BCAN: variants seen among roughly 807,000 people sequenced by gnomAD.
The protein encoded by BCAN is brevican core protein.
A neutral mutation model predicts 92.4 loss-of-function variants in BCAN; 51 were observed. That is an observed-to-expected ratio of 0.55 (90% CI 0.44 to 0.70). The LOEUF is 0.70. Ranked by LOEUF, BCAN falls within the 30% of genes least tolerant of loss-of-function variation. The pLI, the probability that BCAN is intolerant of heterozygous loss-of-function variation, is 0.00. For synonymous variants in BCAN, 501 were observed against 505.2 expected (o/e 0.99, Z 0.11); for missense variants, 1,140 against 1,212.1 (o/e 0.94, Z 0.88).
intron 2 of BCAN, 152 bp from the exon 3 acceptor site, chr1:156,646,649 G>A: frequency 1.5e-6 from 2 of 1,290,656 alleles, no homozygotes; most frequent in Admixed American, 3.3e-5. Context: ...AGGGCTGCAG[G>A]ACCCTGGCCC....
chr1:156,659,356 C>G lies in BCAN; in HGVS notation c.*222C>G. ...TGGGCACCAGATCTTCCATCAGGGC[C>G]GGAGTAAATCCCTAAGTGCCTCAAC... On this transcript the variant is annotated 3_prime_UTR_variant, in exon 14 of 14. Coordinates refer to ENST00000329117, the MANE Select transcript of BCAN (RefSeq NM_021948.5). 1.9e-6 allele frequency: 1 copy of G among 535,748 alleles called. No homozygotes were observed. The highest frequency in any genetic ancestry group is 3.3e-6 in the Non-Finnish European group (1 of 306,540). 33.2% of individuals were successfully genotyped at this position (535,748 alleles called of 1,614,324 possible). A position where few individuals can be genotyped will look rare whatever the true frequency, so the allele number is the denominator to read the frequency against.
At position 156,659,104 on chromosome 1, in the gene BCAN, C is replaced by A. The variant is rs779248809; in HGVS notation, c.2706C>A (p.Ile902=). ...TGGGACGCTGGAAGGCGCTGTTGATCCCCCCTTCCAGCCCCATGCCAGGTC... is the reference window on the plus strand; with the variant it reads ...TGGGACGCTGGAAGGCGCTGTTGATACCCCCTTCCAGCCCCATGCCAGGTC... ...RLLGRWKALL[I]PPSSPMPGP Residue 902 remains isoleucine, a synonymous_variant, in exon 14 of 14, where the codon ATC becomes ATA. Transcript: ENST00000329117. The A allele has an allele frequency of 6.9e-6, 11 of 1,588,842 alleles. No individual in the cohort carries two copies. In the East Asian group the frequency reaches 1.8e-4, roughly 26 times the overall value.
At chr1:156,649,899 C>T (rs778163608) in intron 6 of BCAN, 2 of 518,962 alleles carry the variant, frequency 3.9e-6, no homozygotes, top group Admixed American at 3.9e-5. Flanking sequence ...CAGCCTTGAA[C>T]CTCAGGGAGC....
In BCAN at chr1:156,658,981, G is replaced by A. The variant is rs1271278820; in HGVS notation, c.2629-46G>A. ...CATCAGAGGGCAGGCTCTGAGGAGA[G>A]GAGAAGGAAGAGCCAGGGTGGAGGG... On this transcript the variant is annotated intron_variant, in intron 13 of 13. Transcript: ENST00000329117. The surrounding 1 kb of genome is among the most constrained non-coding windows in gnomAD (Gnocchi z 4.4). 1.3e-6 allele frequency: 2 copies of A among 1,506,624 alleles called. No individual in the cohort carries two copies. Among genetic ancestry groups the A allele is most frequent in the East Asian group, 2.3e-5 (1 of 42,994 alleles). 93.3% of individuals were successfully genotyped at this position (1,506,624 alleles called of 1,614,324 possible).
intron 5 of BCAN, 64 bp from the exon 6 acceptor site, chr1:156,648,504 T>G (rs537190899): frequency 6.7e-7 from 1 of 1,500,300 alleles, no homozygotes; most frequent in Non-Finnish European, 9.0e-7. Context: ...AGGGTTCCCA[T>G]GGGAGACCAG....
In BCAN at chr1:156,651,786, ACT is replaced by A. The variant is rs1192630917; in HGVS notation, c.1297+100_1297+101del. On this transcript the variant is annotated intron_variant, in intron 7 of 13. Coordinates refer to ENST00000329117, the MANE Select transcript of BCAN (RefSeq NM_021948.5). The stretch of plus-strand genomic sequence containing the variant: ...TGATGCTAGGGTGATGGATGACATG[ACT>A]CTGCCCTGTCCTTTCTCAGTAGCTC... The A allele has an allele frequency of 3.6e-6, 4 of 1,110,732 alleles. No homozygotes were observed. The South Asian group carries it at 4.5e-5, about 12-fold the overall frequency. 68.8% of individuals were successfully genotyped at this position (1,110,732 alleles called of 1,614,324 possible).
At chr1:156,648,992 C>A in intron 6 of BCAN, 131 bp downstream of exon 6, 3 of 1,105,666 alleles carry the variant, frequency 2.7e-6, no homozygotes, top group Non-Finnish European at 3.7e-6. Flanking sequence ...TGGGTGAAGT[C>A]CAGCTTGTCA....
rs751588415 is a variant in BCAN at position 156,647,826 on chromosome 1, T to C, written c.641+144T>C. ...ATGAGGCTGGTCTGAGGAGGGGAGG[T>C]GAGGACCCTGAGCATGTGCATCCCT... is the stretch of plus-strand genomic sequence containing the variant. On this transcript the variant is annotated intron_variant, in intron 4 of 13. Coordinates refer to ENST00000329117, the MANE Select transcript of BCAN (RefSeq NM_021948.5). The surrounding 1 kb of genome is among the most constrained non-coding windows in gnomAD (Gnocchi z 4.8). 15 of 1,523,214 alleles carry C rather than the reference T, an allele frequency of 9.8e-6. No homozygotes were observed. Among genetic ancestry groups the C allele is most frequent in the Middle Eastern group, 1.8e-4 (1 of 5,498 alleles). The allele number at this position is 1,523,214 out of a possible 1,614,324, so 94.4% of individuals were successfully genotyped here.
At chr1:156,649,872 A>C (rs1411178829) in intron 6 of BCAN, 1 of 518,946 alleles carries the variant, frequency 1.9e-6, no homozygotes, top group Non-Finnish European at 3.8e-6. Flanking sequence ...TGGAAGCAGA[A>C]ATGGAAGGAG....
At chr1:156,652,200 C>T (rs956271175) in intron 7 of BCAN, 48 bp from the exon 8 acceptor site, 2 of 1,537,056 alleles carry the variant, frequency 1.3e-6, no homozygotes, top group Non-Finnish European at 1.7e-6. Flanking sequence ...CCTTTCGGTC[C>T]TTGGACAGAC....
At chr1:156,645,645 A>C (rs1678937056) in intron 1 of BCAN, among the ~76,000 whole-genome samples, 1 of 152,190 alleles carries the variant, frequency 6.6e-6, no homozygotes. Flanking sequence ...GTATAAGAGC[A>C]CCCACCATTC....
At chr1:156,653,092 T>C in intron 8 of BCAN, 200 bp downstream of exon 8, 1 of 1,429,516 alleles carries the variant, frequency 7.0e-7, no homozygotes, top group Non-Finnish European at 9.1e-7. Flanking sequence ...GCTCTCCGCG[T>C]CTTTACCCTG....
Position 156,647,108 on chromosome 1 carries a change from T to C in BCAN, c.399T>C (p.Gly133=). 6.2e-7 allele frequency: 1 copy of C among 1,602,142 alleles called. No homozygotes were observed. Among genetic ancestry groups the C allele is most frequent in the South Asian group, 1.1e-5 (1 of 90,536 alleles). The change falls in exon 3 of 14, where the codon GGT becomes GGC. Residue 133 remains glycine (G), a synonymous_variant. Transcript: ENST00000329117. The surrounding 1 kb of genome is among the most constrained non-coding windows in gnomAD (Gnocchi z 4.8). The part of the protein sequence containing the change: ...ALSELRPNDS[G]IYRCEVQHGI... ...GCGAGCTGCGCCCCAACGACTCAGG[T>C]ATCTATCGCTGTGAGGTCCAGCACG...
chr1:156,647,161 A>T lies in BCAN; in HGVS notation c.452A>T (p.Glu151Val). Residue 151 changes from glutamate (E) to valine (V), a missense_variant, in exon 3 of 14, where the codon GAG becomes GTG. Glu to Val is a moderately radical substitution (Grantham distance 121, BLOSUM62 -2). Coordinates refer to ENST00000329117, the MANE Select transcript of BCAN (RefSeq NM_021948.5). The surrounding 1 kb of genome is among the most constrained non-coding windows in gnomAD (Gnocchi z 4.8). ...HGIDDSSDAV[E>V]VKVKGVVFLY... Reference sequence around the variant, plus strand: ...ATCGATGACAGCAGCGACGCTGTGGAGGTCAAGGTCAAAGGTGAGAGGGCA... The same window carrying T: ...ATCGATGACAGCAGCGACGCTGTGGTGGTCAAGGTCAAAGGTGAGAGGGCA... 7.9e-7 allele frequency: 1 copy of T among 1,260,762 alleles called. No homozygotes were observed. The highest frequency in any genetic ancestry group is 2.3e-4 in the Middle Eastern group (1 of 4,416). 78.1% of individuals were successfully genotyped at this position (1,260,762 alleles called of 1,614,324 possible).
intron 7 of BCAN, among the ~76,000 whole-genome samples, 182 bp downstream of exon 7, chr1:156,651,871 C>T (rs1304940374): frequency 6.6e-6 from 1 of 151,646 alleles, no homozygotes; most frequent in African/African-American, 2.4e-5. Flanking sequence ...CAGTAAATTC[C>T]ACCCCCAACT....
At chr1:156,644,544 C>T (rs1206942510) in intron 1 of BCAN, 1 of 152,300 alleles carries the variant, frequency 6.6e-6, no homozygotes, top group Non-Finnish European at 1.5e-5. Flanking sequence ...CATCAAGAAC[C>T]TCCTCCCTCT....
chr1:156,651,505 C>G lies in BCAN; in HGVS notation c.1113C>G (p.Asn371Lys). 1 of 1,613,934 alleles carries G rather than the reference C, an allele frequency of 6.2e-7. No individual in the cohort carries two copies. The highest frequency in any genetic ancestry group is 8.5e-7 in the Non-Finnish European group (1 of 1,179,932). Residue 371 changes from asparagine to lysine, a missense_variant, in exon 7 of 14, where the codon AAC becomes AAG. This residue lies in a region of BCAN where 825 missense variants were observed against 871.8 expected (regional missense o/e 0.95). Transcript: ENST00000329117. ...AIPEASNPAS[N>K]PASDGLEAIV... ...CTGAGGCCTCCAACCCAGCCTCCAA[C>G]CCAGCCTCTGATGGACTAGAGGCTA...
At chr1:156,657,876 C>A in intron 11 of BCAN, 119 bp downstream of exon 11, 1 of 876,960 alleles carries the variant, frequency 1.1e-6, no homozygotes, top group South Asian at 1.8e-5. Context: ...TTCCCTTTCT[C>A]GTGCCCTGTG....
rs745851394 is a variant in BCAN, at chr1:156,658,590, C to T, written c.2485C>T (p.Arg829Cys). The stretch of plus-strand genomic sequence containing the variant: ...GCTGCCCCTGGCTCAAGTGTTCGGC[C>T]GCCCACGGCTGCGCTATGAGGTGGA... ...PELPLAQVFG[R>C]PRLRYEVDTV... The change falls in exon 13 of 14, where the codon CGC (arginine) becomes TGC (cysteine). Residue 829 changes from arginine (R) to cysteine (C), a missense_variant. By Grantham distance (180) the Arg-to-Cys change is radical. Transcript: ENST00000329117. This position sits in a 1 kb window ranked among gnomAD's most constrained non-coding sequence, Gnocchi z 4.4. 1.1e-5 allele frequency: 17 copies of T among 1,614,066 alleles called. No individual in the cohort carries two copies. Among genetic ancestry groups the T allele is most frequent in the East Asian group, 2.2e-5 (1 of 44,890 alleles).
Sources: gnomAD v4.1 joint callset for allele counts (sites outside exome capture counted in the v4.1 genomes callset) on GRCh38, gnomAD v4.1.1 for gene constraint, gnomAD v4.1.1 regional missense constraint, Gnocchi (gnomAD v3.1) non-coding constraint, MANE v1.5 for transcripts, NCBI Gene and HGNC (gene_info 2026-07-23, HGNC 2026-07-21) for gene names.